Variants in CYRIA observed in about 807,000 individuals in gnomAD.
The protein encoded by CYRIA is CYFIP-related Rac1 interactor A.
CYRIA carries 15 observed loss-of-function variants against 43.9 expected under a neutral mutation model. That is an observed-to-expected ratio of 0.34 (90% CI 0.23 to 0.53). The LOEUF (loss-of-function observed/expected upper bound fraction) is 0.53. Among genes scored for constraint, CYRIA ranks in the 20% least tolerant of loss-of-function variants. The pLI is 0.94. For missense variants in CYRIA, 236 were observed against 394.2 expected (o/e 0.60, Z 3.40); for synonymous variants, 117 against 136.0 (o/e 0.86, Z 0.97).
intron 3 of CYRIA, among the ~76,000 whole-genome samples, chr2:16,574,156 CT>C (rs1423252633): frequency 6.6e-6 from 1 of 152,088 alleles, no homozygotes; most frequent in Non-Finnish European, 1.5e-5. Flanking sequence ...GGAAAGGTGA[CT>C]CTTGTTATGT....
chr2:16,620,939 C>A (rs1668972797), intron 2 of CYRIA, among the ~76,000 whole-genome samples: 1 of 152,186 alleles, frequency 6.6e-6, no homozygotes, highest in African/African-American at 2.4e-5. Context: ...TGCAGACAAC[C>A]TGCTCCCAAG....
At chr2:16,646,649 A>G (rs1669827611) in intron 1 of CYRIA, among the ~76,000 whole-genome samples, 2 of 152,216 alleles carry the variant, frequency 1.3e-5, no homozygotes, top group African/African-American at 4.8e-5. Context: ...ACTTGACTGG[A>G]GCATGGGGTA....
rs147850860 is a variant in CYRIA at position 16,564,695 on chromosome 2, T to C, written c.193-601A>G. 3.9e-3 allele frequency among the ~76,000 whole-genome samples: 595 copies of C among 152,244 alleles called. 2 individuals are homozygous for C. The highest frequency in any genetic ancestry group is 6.1e-3 in the Non-Finnish European group (414 of 68,004). On this transcript the variant is annotated intron_variant, in intron 4 of 11. Transcript: ENST00000381323. Reference sequence around the variant, plus strand: ...GTATGTGTGTGTGTGTATGTGTGTATTGGCATGCGTATATGTATGTGTTGG... The same window carrying C: ...GTATGTGTGTGTGTGTATGTGTGTACTGGCATGCGTATATGTATGTGTTGG...
chr2:16,555,263 T>C (rs1666465411), intron 10 of CYRIA, 124 bp from the exon 11 acceptor site: 1 of 918,762 alleles, frequency 1.1e-6, no homozygotes, highest in Non-Finnish European at 1.7e-6. Context: ...AACGCAGAAA[T>C]GACCAACAGG....
chr2:16,618,811 G>A (rs1668896511), intron 2 of CYRIA, among the ~76,000 whole-genome samples: 1 of 152,180 alleles, frequency 6.6e-6, no homozygotes, highest in Non-Finnish European at 1.5e-5. Context: ...GTAGCTTTCC[G>A]AGGGCTTCTA....
rs532142961 is a variant in CYRIA at position 16,650,343 on chromosome 2, G to C, written c.-167+15437C>G. ...GAAATCAACCAAAAAGAGGAGCAAA[G>C]CTATATACTCAGCTGAATGAGTATA... On this transcript the variant is annotated intron_variant, in intron 1 of 11. Coordinates refer to ENST00000381323, the MANE Select transcript of CYRIA (RefSeq NM_030797.4). This position sits in a 1 kb window ranked among gnomAD's most constrained non-coding sequence, Gnocchi z 4.1. 6.6e-6 allele frequency among the ~76,000 whole-genome samples: 1 copy of C among 152,306 alleles called. No individual in the cohort carries two copies. Among genetic ancestry groups the C allele is most frequent in the Non-Finnish European group, 1.5e-5 (1 of 68,028 alleles).
intron 1 of CYRIA, among the ~76,000 whole-genome samples, chr2:16,637,013 C>T (rs1049341166): frequency 9.2e-5 from 14 of 152,042 alleles, no homozygotes; most frequent in African/African-American, 3.1e-4. Flanking sequence ...CCAAAACCCC[C>T]ACACACCAGG....
chr2:16,582,300 G>A (rs1477040309), intron 3 of CYRIA, among the ~76,000 whole-genome samples: 1 of 152,142 alleles, frequency 6.6e-6, no homozygotes, highest in Non-Finnish European at 1.5e-5. Flanking sequence ...GAAAAGAATT[G>A]GATCTTCCAA....
At chr2:16,663,270 C>G (rs896036396) in intron 1 of CYRIA, among the ~76,000 whole-genome samples, 1 of 152,186 alleles carries the variant, frequency 6.6e-6, no homozygotes, top group Non-Finnish European at 1.5e-5. Flanking sequence ...ATGCTGTCAA[C>G]CCCATTTTAA....
chr2:16,568,779 A>T (rs1667033255), intron 3 of CYRIA, among the ~76,000 whole-genome samples: 1 of 152,218 alleles, frequency 6.6e-6, no homozygotes, highest in South Asian at 2.1e-4. Flanking sequence ...ATAAAATAGT[A>T]TGGGAAAGAA....
At chr2:16,582,380 T>G (rs1239470963) in intron 3 of CYRIA, among the ~76,000 whole-genome samples, 2 of 152,218 alleles carry the variant, frequency 1.3e-5, no homozygotes, top group Non-Finnish European at 2.9e-5. Context: ...CCATACGATT[T>G]GCCCATTTAA....
Position 16,549,517 on chromosome 2 carries a change from A to C in CYRIA, c.*3419T>G, listed in dbSNP as rs893012226. ...TTTCACACTCAAAACTCCTGTAGAA[A>C]AAAAGGCAAAGCAGGCAAAAAAAAT... On this transcript the variant is annotated 3_prime_UTR_variant, in exon 12 of 12. Coordinates refer to ENST00000381323, the MANE Select transcript of CYRIA (RefSeq NM_030797.4). 1 of 152,136 alleles carries C rather than the reference A, an allele frequency of 6.6e-6. No individual in the cohort carries two copies. The highest frequency in any genetic ancestry group is 2.4e-5 in the African/African-American group (1 of 41,440). 9.4% of individuals were successfully genotyped at this position (152,136 alleles called of 1,614,324 possible). A position where few individuals can be genotyped will look rare whatever the true frequency, so the allele number is the denominator to read the frequency against.
At chr2:16,592,955 C>G (rs1433687851) in intron 2 of CYRIA, among the ~76,000 whole-genome samples, 1 of 152,120 alleles carries the variant, frequency 6.6e-6, no homozygotes, top group Non-Finnish European at 1.5e-5. Context: ...ATATAAAGCA[C>G]CATCTAACTG....
At chr2:16,573,109 C>T (rs1455029077) in intron 3 of CYRIA, among the ~76,000 whole-genome samples, 1 of 152,222 alleles carries the variant, frequency 6.6e-6, no homozygotes, top group African/African-American at 2.4e-5. Flanking sequence ...AGATGTTCTG[C>T]ATATAGTTTC....
At chr2:16,610,157 G>A (rs1668542323) in intron 2 of CYRIA, among the ~76,000 whole-genome samples, 1 of 152,196 alleles carries the variant, frequency 6.6e-6, no homozygotes, top group Non-Finnish European at 1.5e-5. Context: ...TACATATAGT[G>A]TCATCTTTAA....
chr2:16,576,031 G>C (rs1667334277), intron 3 of CYRIA, among the ~76,000 whole-genome samples: 1 of 152,066 alleles, frequency 6.6e-6, no homozygotes, highest in Non-Finnish European at 1.5e-5. Flanking sequence ...GGAACTGTAA[G>C]TCCATTAAAC....
intron 3 of CYRIA, among the ~76,000 whole-genome samples, chr2:16,569,689 C>T (rs1373879950): frequency 6.6e-6 from 1 of 152,210 alleles, no homozygotes; most frequent in Non-Finnish European, 1.5e-5. Context: ...GGGAAAAGAA[C>T]TGTGTGACCC....
In CYRIA at chr2:16,616,616, G is replaced by A. The variant is rs1321594035; in HGVS notation, c.-11+7248C>T. ...TGATATCCGTCAGGATGCTGGCCTC[G>A]GCTTTGCAACTCAATCATCCAGGAG... On this transcript the variant is annotated intron_variant, in intron 2 of 11. Transcript: ENST00000381323. Among the ~76,000 whole-genome samples the A allele has an allele frequency of 8.5e-5, 13 of 152,332 alleles. No homozygotes were observed. In the East Asian group the frequency reaches 1.2e-3, roughly 14 times the overall value.
At chr2:16,612,024 C>G (rs1474613236) in intron 2 of CYRIA, among the ~76,000 whole-genome samples, 1 of 152,094 alleles carries the variant, frequency 6.6e-6, no homozygotes, top group East Asian at 1.9e-4. Context: ...GCCACAGCCC[C>G]CTGTGTCCTC....
Sources: allele counts gnomAD v4.1 joint callset (sites outside exome capture counted in the v4.1 genomes callset), GRCh38; gene constraint gnomAD v4.1.1; non-coding constraint Gnocchi (gnomAD v3.1); transcripts MANE v1.5; gene names NCBI Gene and HGNC (gene_info 2026-07-23, HGNC 2026-07-21).